Variants in KAT6A observed in about 807,000 individuals in gnomAD.
KAT6A encodes the protein lysine acetyltransferase 6A.
In KAT6A, 9 loss-of-function variants were observed where a neutral mutation model predicts 198.4. That is an observed-to-expected ratio of 0.05 (90% CI 0.03 to 0.08). KAT6A has a LOEUF of 0.08. Ranked by LOEUF, KAT6A falls within the 10% of genes least tolerant of loss-of-function variation. The pLI, the probability that KAT6A is intolerant of heterozygous loss-of-function variation, is 1.00. For synonymous variants in KAT6A, 890 were observed against 883.0 expected (o/e 1.01, Z -0.14); for missense variants, 2,077 against 2,509.9 (o/e 0.83, Z 3.69).
At chr8:42,033,177 C>T (rs1027450795) in intron 2 of KAT6A, among the ~76,000 whole-genome samples, 1 of 152,048 alleles carries the variant, frequency 6.6e-6, no homozygotes, top group African/African-American at 2.4e-5. Context: ...CTGGCCAAAC[C>T]TTGGCTATTC....
intron 12 of KAT6A, among the ~76,000 whole-genome samples, chr8:41,945,845 G>A (rs1209242192): frequency 4.6e-5 from 7 of 151,836 alleles, no homozygotes; most frequent in Non-Finnish European, 8.8e-5. Context: ...TGGCTAACAC[G>A]GTAAAACCCC....
chr8:42,009,894 C>CAAAAAAAAA (rs538642816), intron 2 of KAT6A, among the ~76,000 whole-genome samples: 60 of 48,996 alleles, frequency 1.2e-3, no homozygotes, highest in African/African-American at 2.8e-3. Context: ...AGCCCTGTCT[C>CAAAAAAAAA]AAAAAAAAAA....
Position 41,933,663 on chromosome 8 carries a change from C to G in KAT6A, c.4557G>C (p.Leu1519=), listed in dbSNP as rs749623572. The G allele has an allele frequency of 1.3e-5, 21 of 1,614,098 alleles. No individual in the cohort carries two copies. The highest frequency in any genetic ancestry group is 1.8e-5 in the Non-Finnish European group (21 of 1,180,032). Residue 1519 remains leucine (L), a synonymous_variant, in exon 17 of 17, where the codon CTG becomes CTC. Transcript: ENST00000265713. The surrounding 1 kb of genome is among the most constrained non-coding windows in gnomAD (Gnocchi z 6.2). ...CCATGTTCTGCATAGAGGGTGCGGACAGGGATCCTTGTTCTGGGCTGATCT... is the reference window on the plus strand; with the variant it reads ...CCATGTTCTGCATAGAGGGTGCGGAGAGGGATCCTTGTTCTGGGCTGATCT... ...YTQISPEQGS[L]SAPSMQNMET...
intron 8 of KAT6A, among the ~76,000 whole-genome samples, chr8:41,969,074 T>C (rs1463410756): frequency 6.6e-6 from 1 of 152,190 alleles, no homozygotes; most frequent in Non-Finnish European, 1.5e-5. Flanking sequence ...GTCCTTCTGA[T>C]AGCCCCTCCC....
chr8:42,029,230 C>T (rs1826988234), intron 2 of KAT6A, among the ~76,000 whole-genome samples: 1 of 152,144 alleles, frequency 6.6e-6, no homozygotes, highest in Non-Finnish European at 1.5e-5. Context: ...GTCTTTGTGA[C>T]AGTTTGACTA....
At chr8:41,993,827 T>C (rs953920744) in intron 2 of KAT6A, among the ~76,000 whole-genome samples, 1 of 152,196 alleles carries the variant, frequency 6.6e-6, no homozygotes, top group African/African-American at 2.4e-5. Context: ...TTAAAAGCAT[T>C]TAAAAATTAT....
At chr8:41,999,058 T>C (rs1385143720) in intron 2 of KAT6A, among the ~76,000 whole-genome samples, 3 of 152,158 alleles carry the variant, frequency 2.0e-5, no homozygotes, top group East Asian at 1.9e-4. Context: ...TGAAAGTTAA[T>C]GATATAATTG....
chr8:41,973,631 T>C (rs1423312380), intron 8 of KAT6A, among the ~76,000 whole-genome samples: 3 of 152,172 alleles, frequency 2.0e-5, no homozygotes, highest in East Asian at 3.8e-4. Flanking sequence ...AGAGCCTTTA[T>C]GATCTAGCCC....
At chr8:41,990,095 G>T (rs1208127245) in intron 2 of KAT6A, among the ~76,000 whole-genome samples, 1 of 150,148 alleles carries the variant, frequency 6.7e-6, no homozygotes, top group East Asian at 2.0e-4. Flanking sequence ...TAGGAAGAAG[G>T]TAGAAGCCAG....
chr8:41,946,454 A>T, intron 12 of KAT6A, 137 bp downstream of exon 12: 1 of 512,770 alleles, frequency 2.0e-6, no homozygotes. Context: ...AGATACTAGC[A>T]GCCAACAAAG....
At position 42,001,023 on chromosome 8, in the gene KAT6A, G is replaced by A. The variant is rs146544179; in HGVS notation, c.601-13460C>T. Among the ~76,000 whole-genome samples, 14 of 152,260 alleles carry A rather than the reference G, an allele frequency of 9.2e-5. 1 individual carries two copies. The East Asian group carries it at 2.7e-3, about 29-fold the overall frequency. ...GAGGGAGGGAGAGGAAGGAGGGAAGGAAGGAGGAGGAAGGAGGCTTTACAG... is the reference window on the plus strand; with the variant it reads ...GAGGGAGGGAGAGGAAGGAGGGAAGAAAGGAGGAGGAAGGAGGCTTTACAG... On this transcript the variant is annotated intron_variant, in intron 2 of 16. Transcript: ENST00000265713.
At chr8:42,005,843 T>A (rs1825720192) in intron 2 of KAT6A, among the ~76,000 whole-genome samples, 1 of 150,834 alleles carries the variant, frequency 6.6e-6, no homozygotes, top group Admixed American at 6.6e-5. Context: ...AAAGAACAAC[T>A]GCAGAAAAGG....
intron 2 of KAT6A, among the ~76,000 whole-genome samples, chr8:42,015,101 A>T (rs1402577397): frequency 6.6e-6 from 1 of 152,248 alleles, no homozygotes; most frequent in Non-Finnish European, 1.5e-5. Flanking sequence ...AATATAACAG[A>T]GTAGGCTATA....
At chr8:41,981,046 G>T in intron 4 of KAT6A, 119 bp from the exon 5 acceptor site, 1 of 740,266 alleles carries the variant, frequency 1.4e-6, no homozygotes, top group African/African-American at 1.7e-5. Context: ...TAAGCCAGGC[G>T]CAATGGCTCA....
Position 41,934,615 on chromosome 8 carries a change from G to T in KAT6A, c.3605C>A (p.Pro1202His). ...IVSIPKAGRK[P>H]KIQESEETVE... ...AGTTTCTTCACTCTCCTGGATCTTGGGTTTACGTCCAGCTTTAGGAATGGA... is the reference window on the plus strand; with the variant it reads ...AGTTTCTTCACTCTCCTGGATCTTGTGTTTACGTCCAGCTTTAGGAATGGA... The change falls in exon 17 of 17, where the codon CCC becomes CAC. Residue 1202 changes from proline (P) to histidine (H), a missense_variant. This residue lies in a region of KAT6A where 375 missense variants were observed against 383.0 expected (regional missense o/e 0.98). Coordinates refer to ENST00000265713, the MANE Select transcript of KAT6A (RefSeq NM_006766.5). 6.2e-7 allele frequency: 1 copy of T among 1,614,014 alleles called. No homozygotes were observed. Among genetic ancestry groups the T allele is most frequent in the East Asian group, 2.2e-5 (1 of 44,864 alleles).
At chr8:41,976,661 GCAT>G (rs1264775426) in intron 7 of KAT6A, among the ~76,000 whole-genome samples, 1 of 152,076 alleles carries the variant, frequency 6.6e-6, no homozygotes, top group Admixed American at 6.6e-5. Context: ...GAATAAGCAG[GCAT>G]CATAACATTC....
chr8:41,944,138 A>C (rs1016815463), intron 12 of KAT6A, among the ~76,000 whole-genome samples, 159 bp from the exon 13 acceptor site: 1 of 152,196 alleles, frequency 6.6e-6, no homozygotes, highest in Non-Finnish European at 1.5e-5. Flanking sequence ...AACTACTTCA[A>C]AACAAATCTG....
At chr8:41,950,477 T>C (rs1346138772) in intron 9 of KAT6A, among the ~76,000 whole-genome samples, 2 of 152,198 alleles carry the variant, frequency 1.3e-5, no homozygotes, top group Non-Finnish European at 2.9e-5. Context: ...CTAACTGTTT[T>C]ACTTACCTCT....
In KAT6A at chr8:41,934,739, T is replaced by A. The variant is rs1250322919; in HGVS notation, c.3481A>T (p.Ile1161Phe). 4 of 1,614,136 alleles carry A rather than the reference T, an allele frequency of 2.5e-6. No individual in the cohort carries two copies. The East Asian group carries it at 8.9e-5, about 36-fold the overall frequency. Reference protein sequence around the residue: ...GWPKGKSRKPIHWKKRPGRKP... With the variant: ...GWPKGKSRKPFHWKKRPGRKP... ...CGACCAGGTCTTTTCTTCCAGTGGATTGGTTTGCGGCTCTTGCCTTTGGGC... is the reference window on the plus strand; with the variant it reads ...CGACCAGGTCTTTTCTTCCAGTGGAATGGTTTGCGGCTCTTGCCTTTGGGC... The change falls in exon 17 of 17, where the codon ATC (isoleucine) becomes TTC (phenylalanine). Residue 1161 changes from isoleucine to phenylalanine, a missense_variant. Coordinates refer to ENST00000265713, the MANE Select transcript of KAT6A (RefSeq NM_006766.5).
Sources: gnomAD v4.1 joint callset for allele counts (sites outside exome capture counted in the v4.1 genomes callset) on GRCh38, gnomAD v4.1.1 for gene constraint, gnomAD v4.1.1 regional missense constraint, Gnocchi (gnomAD v3.1) non-coding constraint, MANE v1.5 for transcripts, NCBI Gene and HGNC (gene_info 2026-07-23, HGNC 2026-07-21) for gene names.